BFAR: variants seen among roughly 807,000 people sequenced by gnomAD.
The protein encoded by BFAR is bifunctional apoptosis regulator, also known as RING finger protein 47.
In BFAR, 52 loss-of-function variants were observed where a neutral mutation model predicts 54.4. That is an observed-to-expected ratio of 0.96 (90% CI 0.77 to 1.21). BFAR has a LOEUF of 1.21. Ranked by LOEUF, BFAR falls within the 50% of genes most tolerant of loss-of-function variation. BFAR has a pLI of 0.00. For missense variants in BFAR, 571 were observed against 534.0 expected, an observed-to-expected ratio of 1.07 and a Z score of -0.68; for synonymous variants, 215 against 204.3, an observed-to-expected ratio of 1.05 and a Z score of -0.45.
intron 1 of BFAR, among the ~76,000 whole-genome samples, chr16:14,636,901 C>G (rs971261101): frequency 6.6e-6 from 1 of 152,212 alleles, no homozygotes; most frequent in African/African-American, 2.4e-5. Flanking sequence ...TTTAACAAAG[C>G]ACATCTTGTA....
chr16:14,655,019 C>T, intron 4 of BFAR, 47 bp from the exon 5 acceptor site: 1 of 1,529,636 alleles, frequency 6.5e-7, no homozygotes, highest in Non-Finnish European at 8.8e-7. Context: ...AGAGAGTTTG[C>T]TTCCAGTATA....
chr16:14,652,670 T>C (rs939645610), intron 4 of BFAR, among the ~76,000 whole-genome samples: 1 of 152,214 alleles, frequency 6.6e-6, no homozygotes, highest in African/African-American at 2.4e-5. Context: ...AAACAATTTA[T>C]CTTGCTAGAC....
chr16:14,662,072 C>G lies in BFAR; in HGVS notation c.957+7C>G, dbSNP rs150612522. The stretch of plus-strand genomic sequence containing the variant: ...CATCGTCACCAAGCTTCTGGTAGGT[C>G]TGCACAGTGCCTGGAATAAAGTTAT... On this transcript the variant is annotated splice_region_variant and intron_variant, in intron 6 of 7. Coordinates refer to ENST00000261658, the MANE Select transcript of BFAR (RefSeq NM_016561.3). 12 of 1,613,904 alleles carry G rather than the reference C, an allele frequency of 7.4e-6. No individual in the cohort carries two copies. Among genetic ancestry groups the G allele is most frequent in the Admixed American group, 1.7e-5 (1 of 60,004 alleles).
At chr16:14,635,651 G>C (rs959787021) in intron 1 of BFAR, among the ~76,000 whole-genome samples, 2 of 152,064 alleles carry the variant, frequency 1.3e-5, no homozygotes, top group African/African-American at 4.8e-5. Context: ...ATCTAGAGGA[G>C]CTAGTCACCT....
At chr16:14,656,815 AGTCCT>A (rs1488143837) in intron 5 of BFAR, among the ~76,000 whole-genome samples, 2 of 151,516 alleles carry the variant, frequency 1.3e-5, no homozygotes, top group Non-Finnish European at 3.0e-5. Context: ...TAAGGAACAA[AGTCCT>A]GTAATCCATA....
intron 2 of BFAR, among the ~76,000 whole-genome samples, chr16:14,646,133 C>G (rs913784142): frequency 4.6e-5 from 7 of 152,104 alleles, no homozygotes; most frequent in African/African-American, 1.4e-4. Context: ...CTTACCACAA[C>G]CTCTCCCTCT....
chr16:14,655,055 C>T lies in BFAR; in HGVS notation c.639-11C>T, dbSNP rs1424625798. The T allele has an allele frequency of 1.9e-6, 3 of 1,593,660 alleles. No individual in the cohort carries two copies. Among genetic ancestry groups the T allele is most frequent in the Admixed American group, 1.8e-5 (1 of 54,562 alleles). On this transcript the variant is annotated splice_polypyrimidine_tract_variant and intron_variant, in intron 4 of 7. Coordinates refer to ENST00000261658, the MANE Select transcript of BFAR (RefSeq NM_016561.3). ...TAATCGCAAAATAAATCTCCTCCTG[C>T]CCCTCTACAGGTTGCTTTTAACTTT...
At chr16:14,647,194 C>T (rs1347640888) in intron 2 of BFAR, among the ~76,000 whole-genome samples, 2 of 152,068 alleles carry the variant, frequency 1.3e-5, no homozygotes, top group Non-Finnish European at 2.9e-5. Context: ...AAGCGATTCT[C>T]CTGCCTCAGC....
chr16:14,645,979 C>G (rs1596973622), intron 2 of BFAR, among the ~76,000 whole-genome samples: 1 of 152,162 alleles, frequency 6.6e-6, no homozygotes, highest in East Asian at 1.9e-4. Flanking sequence ...AGTGATTCTC[C>G]TGCCTCAGCC....
At position 14,664,991 on chromosome 16, in the gene BFAR, G is replaced by A; in HGVS notation, c.1080G>A (p.Arg360=). The A allele has an allele frequency of 6.2e-7, 1 of 1,614,022 alleles. No homozygotes were observed. Among genetic ancestry groups the A allele is most frequent in the Non-Finnish European group, 8.5e-7 (1 of 1,179,886 alleles). The change falls in exon 7 of 8, where the codon CGG becomes CGA. Residue 360 remains arginine (R), a synonymous_variant. Transcript: ENST00000261658. ...DWLEVHYWTS[R]FLIINAMLLS... ...TGGAGGTCCATTACTGGACATCACG[G>A]TTTCTCATCATCAATGCTATGTTAC...
Position 14,648,547 on chromosome 16 carries a change from A to G in BFAR, c.423A>G (p.Gly141=), listed in dbSNP as rs1459559630. The G allele has an allele frequency of 6.2e-7, 1 of 1,613,922 alleles. No individual in the cohort carries two copies. Among genetic ancestry groups the G allele is most frequent in the Admixed American group, 1.7e-5 (1 of 59,968 alleles). The part of the protein sequence containing the change: ...PNTGRANQQM[G]GGFFSGVLTA... ...CAGGCCGAGCGAATCAGCAGATGGGAGGGGGATTCTTTTCCGGTGTGCTCA... is the reference window on the plus strand; with the variant it reads ...CAGGCCGAGCGAATCAGCAGATGGGGGGGGGATTCTTTTCCGGTGTGCTCA... The change falls in exon 3 of 8, where the codon GGA becomes GGG. Residue 141 remains glycine, a synonymous_variant. Coordinates refer to ENST00000261658, the MANE Select transcript of BFAR (RefSeq NM_016561.3).
At chr16:14,652,304 G>A (rs1489679081) in intron 4 of BFAR, among the ~76,000 whole-genome samples, 6 of 151,272 alleles carry the variant, frequency 4.0e-5, no homozygotes, top group Admixed American at 4.0e-4. Context: ...TTTTGAGATG[G>A]AGTCTTACTC....
At chr16:14,641,981 T>A (rs796570422) in intron 1 of BFAR, among the ~76,000 whole-genome samples, 4 of 152,332 alleles carry the variant, frequency 2.6e-5, no homozygotes, top group African/African-American at 7.2e-5. Context: ...ACTCCCACTA[T>A]GGTTAAGTGC....
At chr16:14,645,721 G>A (rs1406715913) in intron 2 of BFAR, among the ~76,000 whole-genome samples, 1 of 152,186 alleles carries the variant, frequency 6.6e-6, no homozygotes, top group Non-Finnish European at 1.5e-5. Flanking sequence ...AGGGTTCTTT[G>A]TGTATAACTG....
chr16:14,647,536 C>G (rs1322189885), intron 2 of BFAR, among the ~76,000 whole-genome samples: 1 of 151,988 alleles, frequency 6.6e-6, no homozygotes, highest in Non-Finnish European at 1.5e-5. Flanking sequence ...CAAAAATTAG[C>G]CTGGTGTAAT....
chr16:14,651,372 G>A lies in BFAR; in HGVS notation c.638+1399G>A, dbSNP rs187641323. 7.2e-5 allele frequency among the ~76,000 whole-genome samples: 11 copies of A among 152,318 alleles called. No individual in the cohort carries two copies. In the East Asian group the frequency reaches 2.1e-3, roughly 29 times the overall value. ...AAAGAGACACTTAGGGCAAGGTATG[G>A]GGGAAGGGGCACAGAGCTTCCATGC... On this transcript the variant is annotated intron_variant, in intron 4 of 7. Coordinates refer to ENST00000261658, the MANE Select transcript of BFAR (RefSeq NM_016561.3).
At chr16:14,659,971 T>G (rs1296595427) in intron 5 of BFAR, among the ~76,000 whole-genome samples, 3 of 152,216 alleles carry the variant, frequency 2.0e-5, no homozygotes, top group Non-Finnish European at 4.4e-5. Context: ...TTTAACAGTT[T>G]TTATTGAGGT....
intron 4 of BFAR, among the ~76,000 whole-genome samples, chr16:14,653,713 C>CT (rs1960040861): frequency 2.0e-5 from 3 of 152,254 alleles, no homozygotes; most frequent in African/African-American, 4.8e-5. Context: ...AACAACTACT[C>CT]TTTTTTCTTC....
chr16:14,665,094 C>T (rs1960406978), intron 7 of BFAR, 23 bp downstream of exon 7: 1 of 1,575,826 alleles, frequency 6.3e-7, no homozygotes, highest in Non-Finnish European at 8.7e-7. Flanking sequence ...TAATGGTTGT[C>T]ACAACAGGGG....
Sources: gnomAD v4.1 joint callset for allele counts (sites outside exome capture counted in the v4.1 genomes callset) on GRCh38, gnomAD v4.1.1 for gene constraint, MANE v1.5 for transcripts, NCBI Gene and HGNC (gene_info 2026-07-23, HGNC 2026-07-21) for gene names.